Variants in ERC1 observed in about 807,000 individuals in gnomAD.
The protein encoded by ERC1 is RAB6 interacting protein 2.
A neutral mutation model predicts 132.0 loss-of-function variants in ERC1; 56 were observed. The ratio of observed to expected loss-of-function variants is 0.42; its 90% CI spans 0.34 to 0.53. ERC1 has a LOEUF of 0.53. Among genes scored for constraint, ERC1 ranks in the 20% least tolerant of loss-of-function variants. The pLI is 0.03. For synonymous variants in ERC1, 478 were observed against 476.1 expected, an observed-to-expected ratio of 1.00 and a Z score of -0.05; for missense variants, 1,202 against 1,349.9, an observed-to-expected ratio of 0.89 and a Z score of 1.72.
chr12:1,098,818 T>C (rs1467831369), intron 3 of ERC1, among the ~76,000 whole-genome samples: 4 of 152,170 alleles, frequency 2.6e-5, no homozygotes, highest in South Asian at 2.1e-4. Context: ...TGTAGTAGAT[T>C]AAAGAGTTTA....
intron 1 of ERC1, among the ~76,000 whole-genome samples, chr12:1,005,906 A>C (rs1310190287): frequency 6.6e-6 from 1 of 151,344 alleles, no homozygotes; most frequent in Non-Finnish European, 1.5e-5. Flanking sequence ...TAAAATTCTT[A>C]TTATTATTAC....
chr12:1,138,097 A>ATG (rs1949466568), intron 7 of ERC1, among the ~76,000 whole-genome samples: 1 of 92,410 alleles, frequency 1.1e-5, no homozygotes, highest in Admixed American at 1.2e-4. Flanking sequence ...TATATAATCC[A>ATG]TATTATAATA....
At chr12:1,121,445 TG>T (rs1200561264) in intron 7 of ERC1, among the ~76,000 whole-genome samples, 2 of 152,248 alleles carry the variant, frequency 1.3e-5, no homozygotes, top group African/African-American at 4.8e-5. Flanking sequence ...CAATTCATGT[TG>T]GTAGAGAGGA....
chr12:1,436,704 G>A (rs1044798080), intron 17 of ERC1, among the ~76,000 whole-genome samples: 2 of 152,200 alleles, frequency 1.3e-5, no homozygotes, highest in Admixed American at 6.5e-5. Context: ...AGAAGAGAGT[G>A]TGAGTTATCA....
chr12:1,293,371 T>C (rs2079617479), intron 15 of ERC1, among the ~76,000 whole-genome samples: 1 of 144,976 alleles, frequency 6.9e-6, no homozygotes. Context: ...GAGAATAGCA[T>C]CAACCCAGGA....
chr12:1,457,050 T>G (rs2093553172), intron 18 of ERC1, among the ~76,000 whole-genome samples: 1 of 152,210 alleles, frequency 6.6e-6, no homozygotes, highest in Non-Finnish European at 1.5e-5. Context: ...TACTGTACCT[T>G]GTCTATGTTT....
chr12:1,300,247 GA>G (rs988790772), intron 15 of ERC1, among the ~76,000 whole-genome samples: 1 of 152,108 alleles, frequency 6.6e-6, no homozygotes, highest in African/African-American at 2.4e-5. Context: ...ATGGTCCTGG[GA>G]TAACTGCCTA....
In ERC1 at chr12:1,028,482, G is replaced by A. The variant is rs756664440; in HGVS notation, c.579G>A (p.Glu193=). The A allele has an allele frequency of 9.9e-6, 16 of 1,614,158 alleles. No homozygotes were observed. The highest frequency in any genetic ancestry group is 2.2e-5 in the South Asian group (2 of 91,082). The change falls in exon 2 of 19, where the codon GAG becomes GAA. Residue 193 remains glutamate (E), a synonymous_variant. Transcript: ENST00000360905. ...MNSIKTFWSP[E]LKKERALRKD... ...GCATCAAGACCTTCTGGAGCCCAGA[G>A]CTGAAGAAGGAACGAGCCCTGAGAA...
At chr12:1,464,765 C>T (rs1225073011) in intron 18 of ERC1, among the ~76,000 whole-genome samples, 3 of 151,832 alleles carry the variant, frequency 2.0e-5, no homozygotes, top group Non-Finnish European at 4.4e-5. Flanking sequence ...CACGATCTGC[C>T]CACCTCAGCC....
At position 1,484,617 on chromosome 12, in the gene ERC1, G is replaced by A. The variant is rs182238809; in HGVS notation, c.3214-5476G>A. On this transcript the variant is annotated intron_variant, in intron 18 of 18. Coordinates refer to ENST00000360905, the MANE Select transcript of ERC1 (RefSeq NM_178040.4). ...TTTTTTGAGATGGAGTCTTGCTCTC[G>A]CCCAGGCTGGAGTGCAGTGGCGTGA... Among the ~76,000 whole-genome samples the A allele has an allele frequency of 3.4e-3, 467 of 135,850 alleles. 4 individuals are homozygous for A. The highest frequency in any genetic ancestry group is 0.012 in the African/African-American group (399 of 33,438). 89.1% of individuals were successfully genotyped at this position (135,850 alleles called of 152,430 possible).
intron 2 of ERC1, among the ~76,000 whole-genome samples, chr12:1,053,429 A>C (rs996691567): frequency 3.3e-5 from 5 of 152,194 alleles, no homozygotes; most frequent in African/African-American, 7.2e-5. Context: ...TTATATTCTC[A>C]TGAAGAGTGT....
chr12:1,377,114 T>C (rs1805217720), intron 16 of ERC1, among the ~76,000 whole-genome samples: 1 of 152,214 alleles, frequency 6.6e-6, no homozygotes, highest in Admixed American at 6.5e-5. Context: ...AAGTTCTTGA[T>C]GGGAAGAGTA....
chr12:1,025,570 A>G (rs972727060), intron 1 of ERC1, among the ~76,000 whole-genome samples: 2 of 152,184 alleles, frequency 1.3e-5, no homozygotes, highest in Admixed American at 6.5e-5. Context: ...ATATTCTTCA[A>G]AATTTTCTTC....
intron 12 of ERC1, among the ~76,000 whole-genome samples, chr12:1,214,562 A>G (rs994518757): frequency 6.6e-6 from 1 of 152,134 alleles, no homozygotes; most frequent in Non-Finnish European, 1.5e-5. Flanking sequence ...AGAGTGAAGA[A>G]GAAGCATATT....
intron 7 of ERC1, among the ~76,000 whole-genome samples, chr12:1,117,961 A>G (rs1946633109): frequency 1.3e-5 from 2 of 152,268 alleles, no homozygotes; most frequent in South Asian, 2.1e-4. Context: ...GTAGGTATAT[A>G]TATTTATGGG....
At position 1,290,454 on chromosome 12, in the gene ERC1, C is replaced by G. The variant is rs537818888; in HGVS notation, c.2780+442C>G. ...ACCTGTCTCCAAGATTCAGTAGTTA[C>G]CATTTTGCCACACTGGAAGCCAATT... On this transcript the variant is annotated intron_variant, in intron 15 of 18. Coordinates refer to ENST00000360905, the MANE Select transcript of ERC1 (RefSeq NM_178040.4). Among the ~76,000 whole-genome samples the G allele has an allele frequency of 1.5e-4, 23 of 152,258 alleles. No homozygotes were observed. In the South Asian group the frequency reaches 4.1e-3, roughly 27 times the overall value.
intron 16 of ERC1, among the ~76,000 whole-genome samples, chr12:1,394,175 C>T (rs12302474): frequency 0.3 from 45,603 of 151,066 alleles, 6,961 homozygotes; most frequent in Middle Eastern, 0.35. Context: ...CCAAGGCGGG[C>T]AGATCACGAG....
At chr12:1,478,156 CACTCCCACCGGGAGT>C (rs1235776189) in intron 18 of ERC1, among the ~76,000 whole-genome samples, 1 of 152,208 alleles carries the variant, frequency 6.6e-6, no homozygotes, top group Non-Finnish European at 1.5e-5. Context: ...TGGCCATTTA[CACTCCCACCGGGAGT>C]GTAGGAGAGG....
chr12:1,208,465 G>A (rs1378474697), intron 12 of ERC1, among the ~76,000 whole-genome samples: 1 of 152,114 alleles, frequency 6.6e-6, no homozygotes, highest in Non-Finnish European at 1.5e-5. Flanking sequence ...AGACACCCCT[G>A]CTCTATATCT....
Sources: allele counts gnomAD v4.1 joint callset (sites outside exome capture counted in the v4.1 genomes callset), GRCh38; gene constraint gnomAD v4.1.1; transcripts MANE v1.5; gene names NCBI Gene and HGNC (gene_info 2026-07-23, HGNC 2026-07-21).